The following RAPGEF2 variants were observed in gnomAD, a reference collection of about 807,000 sequenced individuals.
RAPGEF2 encodes Rap guanine nucleotide exchange factor 2, also known as PDZ domain containing guanine nucleotide exchange factor (GEF) 1.
In RAPGEF2, 54 loss-of-function variants were observed where a neutral mutation model predicts 186.7. The ratio of observed to expected loss-of-function variants is 0.29; its 90% CI spans 0.23 to 0.36. The LOEUF (loss-of-function observed/expected upper bound fraction) is 0.36, where lower values mean the gene tolerates loss of function less well. Ranked by LOEUF, RAPGEF2 falls within the 10% of genes least tolerant of loss-of-function variation. The pLI, the probability that RAPGEF2 is intolerant of heterozygous loss-of-function variation, is 1.00. For synonymous variants in RAPGEF2, 712 were observed against 705.9 expected (o/e 1.01, Z -0.14); for missense variants, 1,532 against 2,045.0 (o/e 0.75, Z 4.84).
chr4:159,347,761 TG>T (rs1179129509), intron 25 of RAPGEF2, among the ~76,000 whole-genome samples: 9 of 152,226 alleles, frequency 5.9e-5, no homozygotes, highest in Non-Finnish European at 2.9e-5. Flanking sequence ...TCCTCCAGCC[TG>T]GGCGAAAGAG....
chr4:159,266,868 C>T (rs1161630153), intron 7 of RAPGEF2: 1 of 173,420 alleles, frequency 5.8e-6, no homozygotes, highest in Admixed American at 5.6e-5. Context: ...CGTTTTCCCA[C>T]CCTGTCTTCA....
At chr4:159,128,735 C>G (rs1170565237) in intron 1 of RAPGEF2, 8 of 151,446 alleles carry the variant, frequency 5.3e-5, no homozygotes, top group African/African-American at 1.9e-4. Context: ...TGTAAAAACT[C>G]TTTTACACCA....
chr4:159,332,657 G>C lies in RAPGEF2; in HGVS notation c.2095G>C (p.Asp699His), dbSNP rs763917062. 1 of 1,613,982 alleles carries C rather than the reference G, an allele frequency of 6.2e-7. No individual in the cohort carries two copies. Among genetic ancestry groups the C allele is most frequent in the African/African-American group, 1.3e-5 (1 of 74,920 alleles). ...GGRNKLKKIL[D>H]KTRISILPQK... is the part of the protein sequence containing the mutation. ...AAGGAACAAGCTGAAAAAGATACTC[G>C]ACAAGACTCGGATCAGTATCTTGCC... Residue 699 changes from aspartate to histidine, a missense_variant, in exon 17 of 30, where the codon GAC becomes CAC. This residue lies in a region of RAPGEF2 where 810 missense variants were observed against 1,210.5 expected (regional missense o/e 0.67). Coordinates refer to ENST00000691494, the MANE Select transcript of RAPGEF2 (RefSeq NM_001394067.2).
At chr4:159,163,010 G>T (rs1250824011) in intron 1 of RAPGEF2, among the ~76,000 whole-genome samples, 2 of 152,050 alleles carry the variant, frequency 1.3e-5, no homozygotes, top group Non-Finnish European at 2.9e-5. Flanking sequence ...CGAAACACCT[G>T]TTCCAAAAAG....
At chr4:159,148,628 G>T (rs973639061) in intron 1 of RAPGEF2, among the ~76,000 whole-genome samples, 1 of 151,634 alleles carries the variant, frequency 6.6e-6, no homozygotes, top group Non-Finnish European at 1.5e-5. Context: ...TTTTCACTGT[G>T]TTTTTTTTCA....
intron 1 of RAPGEF2, among the ~76,000 whole-genome samples, chr4:159,120,981 A>T (rs141268308): frequency 6.6e-6 from 1 of 151,848 alleles, no homozygotes; most frequent in Admixed American, 6.6e-5. Flanking sequence ...CTGCCTCCCT[A>T]CTAGCTGGGA....
At chr4:159,295,752 TGTGCGC>T (rs1385286053) in intron 7 of RAPGEF2, among the ~76,000 whole-genome samples, 161 of 111,836 alleles carry the variant, frequency 1.4e-3, no homozygotes, top group African/African-American at 2.4e-3. Flanking sequence ...TGTGTGTGTG[TGTGCGC>T]GCGCGCGCGC....
chr4:159,332,175 A>T, intron 16 of RAPGEF2, 141 bp downstream of exon 16: 1 of 669,434 alleles, frequency 1.5e-6, no homozygotes, highest in Non-Finnish European at 2.5e-6. Flanking sequence ...AAATATTTTT[A>T]ATCTGTCTTT....
chr4:159,355,701 G>A lies in RAPGEF2; in HGVS notation c.4652-152G>A, dbSNP rs1731875003. On this transcript the variant is annotated intron_variant, in intron 28 of 29. Transcript: ENST00000691494. The stretch of plus-strand genomic sequence containing the variant: ...TTGGTTTAGTTAACATGCATTCCCT[G>A]GCCTGCCTCACACCGCACCTCTAAC... The A allele has an allele frequency of 4.3e-6, 3 of 700,312 alleles. No individual in the cohort carries two copies. In the Admixed American group the frequency reaches 8.8e-5, roughly 21 times the overall value. The allele number at this position is 700,312 out of a possible 1,614,324, so 43.4% of individuals were successfully genotyped here. A position where few individuals can be genotyped will look rare whatever the true frequency, so the allele number is the denominator to read the frequency against.
chr4:159,199,707 G>A (rs560994175), intron 3 of RAPGEF2, among the ~76,000 whole-genome samples: 5 of 152,192 alleles, frequency 3.3e-5, no homozygotes, highest in Non-Finnish European at 7.3e-5. Context: ...TAGTGGTGCT[G>A]TCAGGTGTTT....
intron 25 of RAPGEF2, among the ~76,000 whole-genome samples, chr4:159,349,772 G>C (rs1175064242): frequency 6.6e-6 from 1 of 152,176 alleles, no homozygotes; most frequent in African/African-American, 2.4e-5. Flanking sequence ...ATGTCTAGCT[G>C]TGCCACTTCC....
At chr4:159,123,937 A>G (rs1740002081) in intron 1 of RAPGEF2, among the ~76,000 whole-genome samples, 1 of 150,836 alleles carries the variant, frequency 6.6e-6, no homozygotes, top group Admixed American at 6.6e-5. Context: ...CTCACCGCAA[A>G]CTCTGCCTCC....
chr4:159,291,958 C>A (rs72967717), intron 7 of RAPGEF2, among the ~76,000 whole-genome samples: 3 of 152,016 alleles, frequency 2.0e-5, no homozygotes, highest in Non-Finnish European at 4.4e-5. Context: ...TGTCCATAAT[C>A]CTACCATGTA....
Position 159,104,221 on chromosome 4 carries a change from G to T in RAPGEF2, c.59G>T (p.Arg20Met). 2 of 1,410,334 alleles carry T rather than the reference G, an allele frequency of 1.4e-6. No homozygotes were observed. The highest frequency in any genetic ancestry group is 3.1e-5 in the East Asian group (1 of 32,282). 87.4% of individuals were successfully genotyped at this position (1,410,334 alleles called of 1,614,324 possible). A position where few individuals can be genotyped will look rare whatever the true frequency, so the allele number is the denominator to read the frequency against. Residue 20 changes from arginine (R) to methionine (M), a missense_variant, in exon 1 of 30, where the codon AGG becomes ATG. Physicochemically the swap from Arg to Met is moderately conservative, Grantham distance 91. Around this residue, in one of 4 missense-constraint regions of RAPGEF2, gnomAD observed 810 missense variants for 1,210.5 expected, o/e 0.67. Transcript: ENST00000691494. ...RQAVMKNPPE[R>M]TPQDLEIVYS... ...GCGGTGATGAAGAATCCCCCCGAAA[G>T]GACCCCCCAGGTGAGAACGCGGCGG... is the stretch of plus-strand genomic sequence containing the variant.
At chr4:159,355,762 T>C in intron 28 of RAPGEF2, 91 bp from the exon 29 acceptor site, 2 of 1,191,294 alleles carry the variant, frequency 1.7e-6, no homozygotes, top group Non-Finnish European at 2.4e-6. Flanking sequence ...TGCTACACTG[T>C]GGATGCTGTT....
At chr4:159,150,348 T>C (rs1265684824) in intron 1 of RAPGEF2, among the ~76,000 whole-genome samples, 1 of 152,160 alleles carries the variant, frequency 6.6e-6, no homozygotes, top group African/African-American at 2.4e-5. Flanking sequence ...AAATAGCTTA[T>C]TGAATATATA....
chr4:159,112,974 A>T (rs544454761), intron 1 of RAPGEF2, among the ~76,000 whole-genome samples: 2 of 152,224 alleles, frequency 1.3e-5, no homozygotes, highest in Non-Finnish European at 2.9e-5. Context: ...GATATAATGT[A>T]TTGAGAAAGA....
chr4:159,161,040 G>A (rs772886451), intron 1 of RAPGEF2, among the ~76,000 whole-genome samples: 2 of 151,938 alleles, frequency 1.3e-5, no homozygotes, highest in Non-Finnish European at 1.5e-5. Flanking sequence ...TCTGATTGAA[G>A]ATAAGATGGG....
intron 2 of RAPGEF2, among the ~76,000 whole-genome samples, chr4:159,191,382 T>G (rs1355459816): frequency 1.3e-5 from 2 of 152,058 alleles, no homozygotes; most frequent in African/African-American, 4.8e-5. Flanking sequence ...AGCTTTTTCT[T>G]TGGAGTTTTA....
Sources: gnomAD v4.1 joint callset for allele counts (sites outside exome capture counted in the v4.1 genomes callset) on GRCh38, gnomAD v4.1.1 for gene constraint, gnomAD v4.1.1 regional missense constraint, MANE v1.5 for transcripts, NCBI Gene and HGNC (gene_info 2026-07-23, HGNC 2026-07-21) for gene names.